Variants in ZFYVE28 observed in about 807,000 individuals in gnomAD.
The protein encoded by ZFYVE28 is zinc finger FYVE-type containing 28.
A neutral mutation model predicts 82.1 loss-of-function variants in ZFYVE28; 40 were observed. That is an observed-to-expected ratio of 0.49 (90% CI 0.38 to 0.63). The LOEUF (loss-of-function observed/expected upper bound fraction) is 0.63, where lower values mean the gene tolerates loss of function less well. Among genes scored for constraint, ZFYVE28 ranks in the 30% least tolerant of loss-of-function variants. ZFYVE28 has a pLI of 0.00. For missense variants in ZFYVE28, 1,321 were observed against 1,242.1 expected (o/e 1.06, Z -0.96); for synonymous variants, 612 against 546.1 (o/e 1.12, Z -1.68).
rs745876877 is a variant in ZFYVE28 at position 2,304,812 on chromosome 4, C to T, written c.1528G>A (p.Gly510Ser). The T allele has an allele frequency of 1.2e-6, 2 of 1,612,604 alleles. No individual in the cohort carries two copies. Among genetic ancestry groups the T allele is most frequent in the Non-Finnish European group, 1.7e-6 (2 of 1,179,964 alleles). The change falls in exon 8 of 13, where the codon GGC becomes AGC. Residue 510 changes from glycine (G) to serine (S), a missense_variant. Transcript: ENST00000290974. Reference sequence around the variant, plus strand: ...ATGACCGTGGCTGAGAGCTTCATGCCCCCTGTCCGGTGGGCGATCATCTCA... The same window carrying T: ...ATGACCGTGGCTGAGAGCTTCATGCTCCCTGTCCGGTGGGCGATCATCTCA... Reference protein sequence around the residue: ...TAEMIAHRTGGMKLSATVIFN... With the variant: ...TAEMIAHRTGSMKLSATVIFN...
At chr4:2,299,421 T>G (rs552900284) in intron 8 of ZFYVE28, among the ~76,000 whole-genome samples, 1 of 151,162 alleles carries the variant, frequency 6.6e-6, no homozygotes, top group African/African-American at 2.4e-5. Context: ...GCTTCATACC[T>G]TTGCTGTGGT....
chr4:2,294,043 T>A (rs565169499), intron 8 of ZFYVE28, among the ~76,000 whole-genome samples: 15 of 151,408 alleles, frequency 9.9e-5, no homozygotes, highest in Admixed American at 5.9e-4. Context: ...CTACATAGAT[T>A]CTACATAATC....
intron 7 of ZFYVE28, among the ~76,000 whole-genome samples, chr4:2,312,417 T>C (rs1451114778): frequency 1.3e-5 from 2 of 151,604 alleles, no homozygotes; most frequent in East Asian, 1.9e-4. Flanking sequence ...ACTTCTGCAA[T>C]GAACAAGGAA....
intron 8 of ZFYVE28, chr4:2,287,019 G>C (rs575735221): frequency 6.6e-6 from 1 of 152,474 alleles, no homozygotes; most frequent in Admixed American, 6.5e-5. Context: ...CGGAGGCAGA[G>C]CTTGGAGTGA....
At chr4:2,400,765 T>C (rs980923968) in intron 1 of ZFYVE28, among the ~76,000 whole-genome samples, 1 of 152,158 alleles carries the variant, frequency 6.6e-6, no homozygotes, top group Non-Finnish European at 1.5e-5. Flanking sequence ...TTCTTCTGCC[T>C]GCTTTACATT....
intron 8 of ZFYVE28, 38 bp downstream of exon 8, chr4:2,304,251 G>C (rs759622083): frequency 1.3e-6 from 2 of 1,517,946 alleles, no homozygotes; most frequent in Non-Finnish European, 1.8e-6. Flanking sequence ...CCAGTGCAGA[G>C]AGGACAAACC....
chr4:2,298,882 A>T (rs1170899785), intron 8 of ZFYVE28, among the ~76,000 whole-genome samples: 1 of 152,188 alleles, frequency 6.6e-6, no homozygotes, highest in Non-Finnish European at 1.5e-5. Context: ...CCGACTAGTC[A>T]TCGGGGCTGC....
intron 8 of ZFYVE28, among the ~76,000 whole-genome samples, chr4:2,292,492 G>A (rs749300244): frequency 1.3e-5 from 2 of 152,182 alleles, no homozygotes; most frequent in Non-Finnish European, 2.9e-5. Flanking sequence ...GGGCTGTGGC[G>A]AGGGCCAGAT....
chr4:2,319,939 G>A (rs183430257), intron 7 of ZFYVE28, among the ~76,000 whole-genome samples: 2 of 152,302 alleles, frequency 1.3e-5, no homozygotes, highest in East Asian at 3.9e-4. Context: ...CACTCCCCCA[G>A]CTCAGCCCAA....
chr4:2,337,614 C>T (rs900419482), intron 4 of ZFYVE28, 118 bp from the exon 5 acceptor site: 10 of 745,158 alleles, frequency 1.3e-5, no homozygotes, highest in Non-Finnish European at 2.0e-5. Context: ...GGGCGGGGGG[C>T]CTCACGCCTG....
chr4:2,406,782 C>T (rs1253312929), intron 1 of ZFYVE28: 2 of 152,232 alleles, frequency 1.3e-5, no homozygotes, highest in Non-Finnish European at 2.9e-5. Flanking sequence ...TTAGTTTTTG[C>T]TTTTTGTTTG....
At chr4:2,319,406 G>A (rs994367586) in intron 7 of ZFYVE28, among the ~76,000 whole-genome samples, 1 of 152,190 alleles carries the variant, frequency 6.6e-6, no homozygotes, top group Non-Finnish European at 1.5e-5. Context: ...GGGTGACGAG[G>A]ACCCCATAGC....
At chr4:2,299,114 A>G (rs6599426) in intron 8 of ZFYVE28, among the ~76,000 whole-genome samples, 13,851 of 152,280 alleles carry the variant, frequency 0.091, 765 homozygotes, top group Middle Eastern at 0.14. Flanking sequence ...GGGCAAGAAC[A>G]ACTTGGAGAA....
At chr4:2,389,317 G>C (rs1234834866) in intron 1 of ZFYVE28, among the ~76,000 whole-genome samples, 1 of 152,194 alleles carries the variant, frequency 6.6e-6, no homozygotes, top group East Asian at 1.9e-4. Flanking sequence ...GGCTGCAGGG[G>C]CCAGCATCTG....
chr4:2,383,993 C>A (rs1728989510), intron 1 of ZFYVE28, among the ~76,000 whole-genome samples: 1 of 152,244 alleles, frequency 6.6e-6, no homozygotes, highest in Non-Finnish European at 1.5e-5. Context: ...CCCCATCACC[C>A]TGAAGTGTCT....
chr4:2,313,009 G>C (rs1291085854), intron 7 of ZFYVE28, among the ~76,000 whole-genome samples: 2 of 151,976 alleles, frequency 1.3e-5, no homozygotes, highest in African/African-American at 4.8e-5. Flanking sequence ...CATGCGAACT[G>C]CACTCCAGCC....
At chr4:2,330,084 T>G in intron 6 of ZFYVE28, 1 of 170,298 alleles carries the variant, frequency 5.9e-6, no homozygotes, top group Non-Finnish European at 1.2e-5. Flanking sequence ...AGAAAATAGA[T>G]TTGTGGTTCC....
rs1055284163 is a variant in ZFYVE28, at chr4:2,332,872, C to G, written c.701+2833G>C. ...TGCAGTGGCAGCCTGGTGCACCCCA[C>G]GGTTCCTCGTATCCACAGCCTGGCT... On this transcript the variant is annotated intron_variant, in intron 6 of 12. Transcript: ENST00000290974. This position sits in a 1 kb window ranked among gnomAD's most constrained non-coding sequence, Gnocchi z 4.7. Among the ~76,000 whole-genome samples the G allele has an allele frequency of 6.6e-6, 1 of 152,094 alleles. No homozygotes were observed. Among genetic ancestry groups the G allele is most frequent in the African/African-American group, 2.4e-5 (1 of 41,412 alleles).
chr4:2,414,079 C>T (rs73074347), intron 1 of ZFYVE28, among the ~76,000 whole-genome samples: 6,762 of 152,346 alleles, frequency 0.044, 524 homozygotes, highest in African/African-American at 0.15. Context: ...TCTGCCACTT[C>T]GTTTCCAGGG....
Sources: allele counts gnomAD v4.1 joint callset (sites outside exome capture counted in the v4.1 genomes callset), GRCh38; gene constraint gnomAD v4.1.1; non-coding constraint Gnocchi (gnomAD v3.1); transcripts MANE v1.5; gene names NCBI Gene and HGNC (gene_info 2026-07-23, HGNC 2026-07-21).